Variants in ADAM22 observed in about 807,000 individuals in gnomAD.
ADAM22 encodes the protein ADAM metallopeptidase domain 22.
In ADAM22, 65 loss-of-function variants were observed where a neutral mutation model predicts 144.6. The observed-to-expected ratio is 0.45, with a 90% CI of 0.37 to 0.55. ADAM22 has a LOEUF of 0.55. Among genes scored for constraint, ADAM22 ranks in the 20% least tolerant of loss-of-function variants. The pLI, the probability that ADAM22 is intolerant of heterozygous loss-of-function variation, is 0.00. For synonymous variants in ADAM22, 391 were observed against 412.6 expected (o/e 0.95, Z 0.63); for missense variants, 974 against 1,184.9 (o/e 0.82, Z 2.61).
chr7:88,176,559 A>G (rs1180974931), intron 26 of ADAM22, among the ~76,000 whole-genome samples: 1 of 152,206 alleles, frequency 6.6e-6, no homozygotes, highest in African/African-American at 2.4e-5. Flanking sequence ...AAACGTGTTC[A>G]GTTAAAAACA....
At position 88,093,284 on chromosome 7, in the gene ADAM22, C is replaced by CA. The variant is rs5885614; in HGVS notation, c.391-14880dup. ...TTTTTGATTTTAAACTGGTTTGAAG[C>CA]AAAAAAAAAAAATCACAAATTATTC... On this transcript the variant is annotated intron_variant, in intron 4 of 31. Transcript: ENST00000413139. Among the ~76,000 whole-genome samples the CA allele has an allele frequency of 2.8e-3, 407 of 145,602 alleles. 2 individuals are homozygous for CA. Among genetic ancestry groups the CA allele is most frequent in the African/African-American group, 8.4e-3 (332 of 39,468 alleles).
intron 14 of ADAM22, among the ~76,000 whole-genome samples, chr7:88,138,286 T>C (rs1392200456): frequency 1.3e-5 from 2 of 152,236 alleles, no homozygotes; most frequent in East Asian, 3.8e-4. Flanking sequence ...TCTTGTCTTT[T>C]AAATCCTACA....
chr7:88,039,863 C>T (rs1043308669), intron 3 of ADAM22, among the ~76,000 whole-genome samples: 2 of 151,868 alleles, frequency 1.3e-5, no homozygotes, highest in Non-Finnish European at 2.9e-5. Flanking sequence ...GGCTGATTCT[C>T]TCATCCTCAA....
chr7:88,095,187 C>T (rs1820920605), intron 4 of ADAM22, among the ~76,000 whole-genome samples: 1 of 152,156 alleles, frequency 6.6e-6, no homozygotes, highest in Non-Finnish European at 1.5e-5. Context: ...TCAGGATCAC[C>T]AGCGGCAGTT....
rs1299010326 is a variant in ADAM22 at position 88,202,218 on chromosome 7, A to C, written c.*5727A>C. The C allele has an allele frequency of 1.3e-5, 2 of 152,094 alleles. No individual in the cohort carries two copies. The highest frequency in any genetic ancestry group is 4.8e-5 in the African/African-American group (2 of 41,400). 9.4% of individuals were successfully genotyped at this position (152,094 alleles called of 1,614,324 possible). ...TCAACACCTTTGTTTTGTATGGAAA[A>C]CTTTTTTTTTTACACTAACTGCAAA... On this transcript the variant is annotated 3_prime_UTR_variant, in exon 32 of 32. Transcript: ENST00000413139.
chr7:88,188,989 T>C (rs1192759413), intron 30 of ADAM22, among the ~76,000 whole-genome samples: 1 of 152,206 alleles, frequency 6.6e-6, no homozygotes, highest in African/African-American at 2.4e-5. Flanking sequence ...GTGTTGGCTT[T>C]GCGGCATCCT....
chr7:88,053,032 A>G (rs1006108359), intron 3 of ADAM22, among the ~76,000 whole-genome samples: 5 of 152,150 alleles, frequency 3.3e-5, no homozygotes, highest in Non-Finnish European at 7.4e-5. Context: ...TTTCCTTTAC[A>G]TCTCTGTCCT....
Position 88,165,083 on chromosome 7 carries a change from T to C in ADAM22, c.2077-749T>C, listed in dbSNP as rs1357645142. Among the ~76,000 whole-genome samples the C allele has an allele frequency of 2.0e-5, 3 of 152,118 alleles. No individual in the cohort carries two copies. In the East Asian group the frequency reaches 5.8e-4, roughly 29 times the overall value. On this transcript the variant is annotated intron_variant, in intron 23 of 31. Transcript: ENST00000413139. ...GAAACCCCTGTAGTAAAAACCTGTC[T>C]CAGGAGGAACTTTGCTCATCTTCAA...
intron 2 of ADAM22, among the ~76,000 whole-genome samples, chr7:87,954,548 C>T (rs919954317): frequency 8.5e-5 from 13 of 152,054 alleles, no homozygotes; most frequent in African/African-American, 1.9e-4. Flanking sequence ...GTGGGTAACC[C>T]GACCTTTCTC....
At chr7:88,177,687 T>C (rs1846020635) in intron 26 of ADAM22, among the ~76,000 whole-genome samples, 1 of 152,162 alleles carries the variant, frequency 6.6e-6, no homozygotes, top group South Asian at 2.1e-4. Flanking sequence ...TATGAGAGTA[T>C]TCAATCATTC....
At chr7:88,113,703 A>AATGTGTGTGTATATATATAT (rs1554478727) in intron 5 of ADAM22, among the ~76,000 whole-genome samples, 1 of 48,106 alleles carries the variant, frequency 2.1e-5, no homozygotes, top group African/African-American at 8.0e-5. Context: ...TAAATAAATA[A>AATGTGTGTGTATATATATAT]ATATATATAT....
chr7:87,946,271 T>G (rs1424370321), intron 2 of ADAM22, among the ~76,000 whole-genome samples: 1 of 152,228 alleles, frequency 6.6e-6, no homozygotes, highest in Non-Finnish European at 1.5e-5. Context: ...ATTCTGGATA[T>G]TACACTTTCA....
chr7:88,153,173 A>G, intron 20 of ADAM22, 48 bp from the exon 21 acceptor site: 1 of 1,353,028 alleles, frequency 7.4e-7, no homozygotes, highest in Non-Finnish European at 1.0e-6. Flanking sequence ...GCTTTTGAGC[A>G]GCCAAATCGT....
chr7:88,190,418 C>T (rs187520768), intron 30 of ADAM22, among the ~76,000 whole-genome samples: 2 of 152,052 alleles, frequency 1.3e-5, no homozygotes, highest in East Asian at 3.9e-4. Context: ...TCCTATAGTC[C>T]CAGCTACTCG....
At chr7:88,088,833 G>A (rs774369442) in intron 4 of ADAM22, among the ~76,000 whole-genome samples, 3 of 152,100 alleles carry the variant, frequency 2.0e-5, no homozygotes, top group Non-Finnish European at 4.4e-5. Flanking sequence ...AAAATTATAT[G>A]TGCAATATAA....
At chr7:87,965,930 C>T (rs1848943798) in intron 2 of ADAM22, among the ~76,000 whole-genome samples, 1 of 152,204 alleles carries the variant, frequency 6.6e-6, no homozygotes, top group Non-Finnish European at 1.5e-5. Context: ...GGCTTGACAG[C>T]CATTTACTCA....
intron 22 of ADAM22, among the ~76,000 whole-genome samples, chr7:88,158,400 G>C (rs1349103667): frequency 6.6e-6 from 1 of 152,014 alleles, no homozygotes; most frequent in Non-Finnish European, 1.5e-5. Context: ...GGACCAAATG[G>C]ATCTGATAGA....
rs555098348 is a variant in ADAM22, at chr7:88,202,099, C to G, written c.*5608C>G. 1.2e-4 allele frequency: 18 copies of G among 152,282 alleles called. 1 individual carries two copies. The highest frequency in any genetic ancestry group is 3.8e-4 in the African/African-American group (16 of 41,560). 9.4% of individuals were successfully genotyped at this position (152,282 alleles called of 1,614,324 possible). ...TTCCTGCTAAATTATATATGTGTATCACTGCCTGACTAGAAACCCCACTTT... is the reference window on the plus strand; with the variant it reads ...TTCCTGCTAAATTATATATGTGTATGACTGCCTGACTAGAAACCCCACTTT... On this transcript the variant is annotated 3_prime_UTR_variant, in exon 32 of 32. Transcript: ENST00000413139.
At chr7:88,188,187 A>G (rs564900663) in intron 30 of ADAM22, among the ~76,000 whole-genome samples, 43 of 152,034 alleles carry the variant, frequency 2.8e-4, no homozygotes, top group African/African-American at 9.7e-4. Flanking sequence ...TTCATCCTAT[A>G]TGGGTTAGGG....
Sources: gnomAD v4.1 joint callset for allele counts (sites outside exome capture counted in the v4.1 genomes callset) on GRCh38, gnomAD v4.1.1 for gene constraint, MANE v1.5 for transcripts, NCBI Gene and HGNC (gene_info 2026-07-23, HGNC 2026-07-21) for gene names.